MAP6: variants seen among roughly 807,000 people sequenced by gnomAD.
MAP6 encodes the protein microtubule associated protein 6.
MAP6 carries 26 observed loss-of-function variants against 42.4 expected under a neutral mutation model. The ratio of observed to expected loss-of-function variants is 0.61; its 90% confidence interval spans 0.45 to 0.85. The LOEUF (loss-of-function observed/expected upper bound fraction) is 0.85. Ranked by LOEUF, MAP6 falls within the 40% of genes least tolerant of loss-of-function variation. The pLI, the probability that MAP6 is intolerant of heterozygous loss-of-function variation, is 0.00. For synonymous variants in MAP6, 418 were observed against 443.8 expected, an observed-to-expected ratio of 0.94 and a Z score of 0.73; for missense variants, 966 against 1,099.0, an observed-to-expected ratio of 0.88 and a Z score of 1.71.
intron 1 of MAP6, among the ~76,000 whole-genome samples, chr11:75,627,157 A>C (rs1039633009): frequency 3.9e-5 from 6 of 152,230 alleles, no homozygotes; most frequent in African/African-American, 1.4e-4. Flanking sequence ...AATCATCTTC[A>C]TGCTTGTAAT....
intron 1 of MAP6, among the ~76,000 whole-genome samples, chr11:75,617,256 C>T (rs371725223): frequency 9.9e-5 from 15 of 152,116 alleles, no homozygotes; most frequent in African/African-American, 3.6e-4. Flanking sequence ...GTGGCTCAAG[C>T]CTATGATCCC....
At chr11:75,599,195 C>A (rs1942628766) in intron 3 of MAP6, among the ~76,000 whole-genome samples, 1 of 152,058 alleles carries the variant, frequency 6.6e-6, no homozygotes, top group Non-Finnish European at 1.5e-5. Flanking sequence ...GCTCTCTTGG[C>A]CCCAGATAAG....
rs59997537 is a variant in MAP6, at chr11:75,605,501, G to A, written c.1316+307C>T. ...CAAGCACTGCCGGGAGATTCGTTTC[G>A]CCTCTCAGACCTGCCTGCCTTGCTC... On this transcript the variant is annotated intron_variant, in intron 3 of 3. Coordinates refer to ENST00000304771, the MANE Select transcript of MAP6 (RefSeq NM_033063.2). 3,216 of 1,137,214 alleles carry A rather than the reference G, an allele frequency of 2.8e-3. 92 individuals carry two copies. In the African/African-American group the frequency reaches 0.048, roughly 17 times the overall value. 70.4% of individuals were successfully genotyped at this position (1,137,214 alleles called of 1,614,324 possible).
chr11:75,605,993 A>G lies in MAP6; in HGVS notation c.1131T>C (p.Pro377=). ...PFKEPPKVEK[P]SVQSSKPKKT... ...TTTTTGGTTTGGAACTCTGAACACT[A>G]GGTTTTTCCACCTGTACGGAGAGAC... The change falls in exon 3 of 4, where the codon CCT becomes CCC. Residue 377 remains proline (P), a synonymous_variant. Transcript: ENST00000304771. 6.2e-7 allele frequency: 1 copy of G among 1,613,770 alleles called. No individual in the cohort carries two copies. The highest frequency in any genetic ancestry group is 1.3e-5 in the African/African-American group (1 of 74,984).
intron 3 of MAP6, chr11:75,605,594 C>T: frequency 7.4e-7 from 1 of 1,349,430 alleles, no homozygotes; most frequent in East Asian, 3.2e-5. Flanking sequence ...GCTCCAGGGG[C>T]TGCCCTCAGG....
chr11:75,599,704 T>TG (rs1218923923), intron 3 of MAP6, among the ~76,000 whole-genome samples: 6 of 152,164 alleles, frequency 3.9e-5, no homozygotes, highest in East Asian at 3.9e-4. Flanking sequence ...TAGTTTTTAT[T>TG]GGGGGGTCCC....
intron 1 of MAP6, among the ~76,000 whole-genome samples, chr11:75,626,950 G>A (rs1243545546): frequency 3.3e-5 from 5 of 152,246 alleles, no homozygotes; most frequent in African/African-American, 1.2e-4. Flanking sequence ...AGTGGGCCCT[G>A]TAACCACTGG....
At position 75,591,452 on chromosome 11, in the gene MAP6, C is replaced by G. The variant is rs578054773; in HGVS notation, c.1317-3268G>C. Among the ~76,000 whole-genome samples the G allele has an allele frequency of 1.1e-4, 16 of 152,338 alleles. 1 individual carries two copies. In the South Asian group the frequency reaches 3.1e-3, roughly 30 times the overall value. ...ACTGGTCCTCACATGGTTCCAGTTG[C>G]CTGCCAGTCTCCCATCTGTAAAGTG... On this transcript the variant is annotated intron_variant, in intron 3 of 3. Coordinates refer to ENST00000304771, the MANE Select transcript of MAP6 (RefSeq NM_033063.2).
chr11:75,636,994 T>G (rs1395602880), intron 1 of MAP6, among the ~76,000 whole-genome samples: 1 of 152,202 alleles, frequency 6.6e-6, no homozygotes, highest in Non-Finnish European at 1.5e-5. Flanking sequence ...AAGCTTGCAT[T>G]TGAAAATAGC....
intron 3 of MAP6, chr11:75,604,207 T>C (rs892380447): frequency 2.0e-6 from 2 of 985,774 alleles, no homozygotes; most frequent in African/African-American, 3.5e-5. Context: ...TTAATAATTA[T>C]GGCTCATGTA....
At chr11:75,646,504 A>T (rs1249659228) in intron 1 of MAP6, among the ~76,000 whole-genome samples, 5 of 148,948 alleles carry the variant, frequency 3.4e-5, no homozygotes, top group African/African-American at 1.2e-4. Context: ...TCTATTAAAA[A>T]AAAAAAAAAA....
At chr11:75,618,145 G>C (rs1339765249) in intron 1 of MAP6, among the ~76,000 whole-genome samples, 2 of 136,154 alleles carry the variant, frequency 1.5e-5, no homozygotes, top group Non-Finnish European at 3.1e-5. Context: ...TGCTTAATGT[G>C]TTTTAAACAA....
rs1410510485 is a variant in MAP6 at position 75,668,755 on chromosome 11, G to T, written c.-386C>A. On this transcript the variant is annotated 5_prime_UTR_variant, in exon 1 of 4. Coordinates refer to ENST00000304771, the MANE Select transcript of MAP6 (RefSeq NM_033063.2). Reference sequence around the variant, plus strand: ...GGTGGCTACAGGCTTAAGCCATGGCGCAGAGGAGGGGCCGGGCGGTGTGGC... The same window carrying T: ...GGTGGCTACAGGCTTAAGCCATGGCTCAGAGGAGGGGCCGGGCGGTGTGGC... 3.0e-5 allele frequency: 5 copies of T among 164,866 alleles called. No individual in the cohort carries two copies. The East Asian group carries it at 5.2e-4, about 17-fold the overall frequency. 10.2% of individuals were successfully genotyped at this position (164,866 alleles called of 1,614,324 possible). A position where few individuals can be genotyped will look rare whatever the true frequency, so the allele number is the denominator to read the frequency against.
chr11:75,655,625 T>A (rs1943736151), intron 1 of MAP6, among the ~76,000 whole-genome samples: 1 of 152,196 alleles, frequency 6.6e-6, no homozygotes, highest in African/African-American at 2.4e-5. Context: ...GGAAAAGAAG[T>A]GAGACCACCC....
At chr11:75,616,475 G>A (rs1012206493) in intron 1 of MAP6, among the ~76,000 whole-genome samples, 1 of 152,214 alleles carries the variant, frequency 6.6e-6, no homozygotes, top group Non-Finnish European at 1.5e-5. Context: ...ATTTGTTATT[G>A]TAAAATGTTT....
intron 3 of MAP6, among the ~76,000 whole-genome samples, chr11:75,601,296 G>A (rs762297946): frequency 1.3e-5 from 2 of 151,856 alleles, no homozygotes; most frequent in South Asian, 2.1e-4. Flanking sequence ...TCTACTTCTC[G>A]CCTGTCTTTC....
chr11:75,620,316 T>C (rs1355652698), intron 1 of MAP6, among the ~76,000 whole-genome samples: 2 of 151,654 alleles, frequency 1.3e-5, no homozygotes, highest in African/African-American at 4.8e-5. Flanking sequence ...TGAAAATATA[T>C]ATAAATTAGC....
rs1363113147 is a variant in MAP6, at chr11:75,586,963, A to G, written c.*96T>C. ...TATTAGATTCCAGCAAGACTACTGT[A>G]CATGTTTCATGCAGATTAAATATGT... is the stretch of plus-strand genomic sequence containing the variant. On this transcript the variant is annotated 3_prime_UTR_variant, in exon 4 of 4. Transcript: ENST00000304771. 8 of 1,287,824 alleles carry G rather than the reference A, an allele frequency of 6.2e-6. No homozygotes were observed. The highest frequency in any genetic ancestry group is 2.3e-5 in the Admixed American group (1 of 42,940). 79.8% of individuals were successfully genotyped at this position (1,287,824 alleles called of 1,614,324 possible).
intron 3 of MAP6, among the ~76,000 whole-genome samples, chr11:75,591,018 C>T (rs1334417172): frequency 6.6e-6 from 1 of 151,732 alleles, no homozygotes; most frequent in Non-Finnish European, 1.5e-5. Context: ...AGATTTAGTT[C>T]AAAGGTATTT....
Sources: allele counts gnomAD v4.1 joint callset (sites outside exome capture counted in the v4.1 genomes callset), GRCh38; gene constraint gnomAD v4.1.1; transcripts MANE v1.5; gene names NCBI Gene and HGNC (gene_info 2026-07-23, HGNC 2026-07-21).